UST: variants seen among roughly 807,000 people sequenced by gnomAD.
UST encodes the protein uronyl 2-sulfotransferase, also known as chondroitin sulfate 2-O-sulfotransferase.
In UST, 21 loss-of-function variants were observed where a neutral mutation model predicts 45.6. The observed-to-expected ratio is 0.46, with a 90% CI of 0.33 to 0.66. UST has a LOEUF of 0.66. Ranked by LOEUF, UST falls within the 30% of genes least tolerant of loss-of-function variation. The probability of loss-of-function intolerance (pLI) is 0.02; values close to 1 mark genes in which losing one functional copy is unlikely to be tolerated. For synonymous variants in UST, 215 were observed against 200.6 expected (o/e 1.07, Z -0.61); for missense variants, 463 against 512.4 (o/e 0.90, Z 0.93).
At chr6:148,854,527 C>T (rs944319693) in intron 1 of UST, among the ~76,000 whole-genome samples, 1 of 152,092 alleles carries the variant, frequency 6.6e-6, no homozygotes, top group African/African-American at 2.4e-5. Context: ...GAAACACAGT[C>T]CTAGTTTTTC....
At chr6:148,911,867 C>T (rs1425954260) in intron 2 of UST, among the ~76,000 whole-genome samples, 2 of 152,094 alleles carry the variant, frequency 1.3e-5, no homozygotes, top group Admixed American at 6.5e-5. Flanking sequence ...GGTAAACAGC[C>T]TCAAATCCTT....
intron 1 of UST, among the ~76,000 whole-genome samples, chr6:148,749,503 C>T (rs1775947047): frequency 6.6e-6 from 1 of 151,858 alleles, no homozygotes; most frequent in Non-Finnish European, 1.5e-5. Context: ...GTGTAGGGTA[C>T]TCAGACTTCA....
At chr6:148,899,398 C>T (rs35486798) in intron 2 of UST, among the ~76,000 whole-genome samples, 17,698 of 152,246 alleles carry the variant, frequency 0.12, 1,262 homozygotes, top group Middle Eastern at 0.17. Flanking sequence ...CGCACCCAGC[C>T]TACCTAATTC....
intron 1 of UST, among the ~76,000 whole-genome samples, chr6:148,753,433 A>C (rs1429453254): frequency 6.6e-6 from 1 of 152,188 alleles, no homozygotes; most frequent in African/African-American, 2.4e-5. Context: ...AATGTTTTCA[A>C]GGTTCATTCA....
chr6:148,785,857 C>A (rs970044362), intron 1 of UST, among the ~76,000 whole-genome samples: 6 of 152,176 alleles, frequency 3.9e-5, no homozygotes, highest in African/African-American at 1.2e-4. Context: ...TACATTTACT[C>A]ATTATTGATC....
At chr6:149,017,325 C>T (rs1007827429) in intron 5 of UST, among the ~76,000 whole-genome samples, 1 of 150,904 alleles carries the variant, frequency 6.6e-6, no homozygotes, top group Admixed American at 6.6e-5. Flanking sequence ...TCCAGTGAGC[C>T]GAGATCACGC....
intron 1 of UST, among the ~76,000 whole-genome samples, chr6:148,877,641 G>GC (rs1253147019): frequency 2.2e-5 from 3 of 136,180 alleles, no homozygotes; most frequent in African/African-American, 5.5e-5. Flanking sequence ...GTGTATGAGT[G>GC]TGGGGTCGTG....
chr6:148,848,476 TC>T (rs1209891213), intron 1 of UST, among the ~76,000 whole-genome samples: 1 of 152,072 alleles, frequency 6.6e-6, no homozygotes, highest in Non-Finnish European at 1.5e-5. Context: ...ATCGAGTCCA[TC>T]CTGGCTAACA....
intron 1 of UST, among the ~76,000 whole-genome samples, chr6:148,778,131 A>G (rs1776569801): frequency 6.6e-6 from 1 of 152,230 alleles, no homozygotes; most frequent in South Asian, 2.1e-4. Flanking sequence ...AAAAGTAAAA[A>G]ATAAAAATAA....
intron 5 of UST, among the ~76,000 whole-genome samples, chr6:148,984,304 G>A (rs1781197358): frequency 6.6e-6 from 1 of 152,168 alleles, no homozygotes; most frequent in Non-Finnish European, 1.5e-5. Context: ...AGTATTGGGA[G>A]AGATGATCAG....
chr6:148,982,970 A>T (rs1372507204), intron 5 of UST, among the ~76,000 whole-genome samples: 1 of 152,192 alleles, frequency 6.6e-6, no homozygotes, highest in Non-Finnish European at 1.5e-5. Context: ...AAGACACCTC[A>T]TTTAATTCTC....
At chr6:149,017,651 TC>T (rs1416237140) in intron 5 of UST, among the ~76,000 whole-genome samples, 1 of 152,184 alleles carries the variant, frequency 6.6e-6, no homozygotes, top group Non-Finnish European at 1.5e-5. Context: ...CACACACAGA[TC>T]CTTCTCATTT....
intron 2 of UST, among the ~76,000 whole-genome samples, chr6:148,910,879 C>G (rs892581103): frequency 6.6e-6 from 1 of 152,204 alleles, no homozygotes; most frequent in Non-Finnish European, 1.5e-5. Context: ...CTCAGCTTCT[C>G]AGGGGTCTCC....
At chr6:148,752,192 C>G (rs1582787651) in intron 1 of UST, among the ~76,000 whole-genome samples, 2 of 152,264 alleles carry the variant, frequency 1.3e-5, no homozygotes, top group African/African-American at 2.4e-5. Flanking sequence ...TTGAAATTCT[C>G]TAAGTTTAAG....
intron 7 of UST, among the ~76,000 whole-genome samples, chr6:149,055,747 G>A (rs1562341527): frequency 6.6e-6 from 1 of 152,118 alleles, no homozygotes; most frequent in African/African-American, 2.4e-5. Context: ...AAAGGGGAAG[G>A]CTGGTGGTTA....
chr6:148,969,758 G>C (rs1422233205), intron 5 of UST, among the ~76,000 whole-genome samples: 1 of 152,126 alleles, frequency 6.6e-6, no homozygotes, highest in Non-Finnish European at 1.5e-5. Context: ...TGAACCCTCA[G>C]GTCTGCTTCT....
At chr6:148,878,297 T>C (rs1370396827) in intron 1 of UST, among the ~76,000 whole-genome samples, 2 of 18,430 alleles carry the variant, frequency 1.1e-4, no homozygotes, top group Non-Finnish European at 1.9e-4. Flanking sequence ...CATGTATGAG[T>C]GGGGGGGGTC....
chr6:148,971,789 A>G (rs1000928690), intron 5 of UST, among the ~76,000 whole-genome samples: 14 of 152,354 alleles, frequency 9.2e-5, no homozygotes, highest in Middle Eastern at 3.4e-3. Context: ...GAGGCACTAA[A>G]GGACTTAAAG....
Position 148,941,300 on chromosome 6 carries a change from G to T in UST, c.313G>T (p.Val105Leu). ...CCAGGTACTACCTTTCCCAAGCCAGGTGGTGTACAACAGGGTAGGCAAGTG... is the reference window on the plus strand; with the variant it reads ...CCAGGTACTACCTTTCCCAAGCCAGTTGGTGTACAACAGGGTAGGCAAGTG... ...PSKVLPFPSQ[V>L]VYNRVGKCGS... The change falls in exon 3 of 8, where the codon GTG becomes TTG. Residue 105 changes from valine to leucine, a missense_variant. Transcript: ENST00000367463. 6.2e-7 allele frequency: 1 copy of T among 1,612,784 alleles called. No individual in the cohort carries two copies. Among genetic ancestry groups the T allele is most frequent in the Non-Finnish European group, 8.5e-7 (1 of 1,179,688 alleles).
Sources: allele counts gnomAD v4.1 joint callset (sites outside exome capture counted in the v4.1 genomes callset), GRCh38; gene constraint gnomAD v4.1.1; transcripts MANE v1.5; gene names NCBI Gene and HGNC (gene_info 2026-07-23, HGNC 2026-07-21).